Variants in HIVEP3 observed in about 807,000 individuals in gnomAD.
The protein encoded by HIVEP3 is HIVEP zinc finger 3, also known as transcription factor HIVEP3.
In HIVEP3, 49 loss-of-function variants were observed where a neutral mutation model predicts 152.8. That is an observed-to-expected ratio of 0.32 (90% CI 0.26 to 0.41). HIVEP3 has a LOEUF of 0.41. Ranked by LOEUF, HIVEP3 falls within the 10% of genes least tolerant of loss-of-function variation. HIVEP3 has a pLI of 1.00. For synonymous variants in HIVEP3, 1,269 were observed against 1,289.0 expected, an observed-to-expected ratio of 0.98 and a Z score of 0.33; for missense variants, 2,790 against 3,103.3, an observed-to-expected ratio of 0.90 and a Z score of 2.40.
rs540627766 is a variant in HIVEP3 at position 41,978,925 on chromosome 1, G to A, written n.119+56882C>T. Among the ~76,000 whole-genome samples, 5 of 152,206 alleles carry A rather than the reference G, an allele frequency of 3.3e-5. 1 individual carries two copies. The highest frequency in any genetic ancestry group is 7.2e-5 in the African/African-American group (3 of 41,514). On this transcript the variant is annotated intron_variant and non_coding_transcript_variant, in intron 1 of 3. Coordinates refer to the HIVEP3 transcript ENST00000489103. ...CCAACGATCACTGCACCAGACTGAC[G>A]TGTTGAGGACAGGAACTGCATTGTC...
chr1:41,793,848 A>G (rs776388700), intron 1 of HIVEP3, among the ~76,000 whole-genome samples: 6 of 152,218 alleles, frequency 3.9e-5, no homozygotes, highest in Non-Finnish European at 8.8e-5. Context: ...AATAAAAATT[A>G]CTGGTAATCC....
upstream of HIVEP3, among the ~76,000 whole-genome samples, chr1:41,920,002 C>T (rs1275173317): frequency 1.3e-5 from 2 of 152,320 alleles, no homozygotes; most frequent in African/African-American, 4.8e-5. Context: ...GCTCCAGCAT[C>T]ACAGCCCATT....
chr1:41,866,965 T>C (rs1171576416), intron 1 of HIVEP3, among the ~76,000 whole-genome samples: 1 of 152,224 alleles, frequency 6.6e-6, no homozygotes, highest in Non-Finnish European at 1.5e-5. Flanking sequence ...CTTCTGAGTA[T>C]TTCAGGCATA....
intron 1 of HIVEP3, among the ~76,000 whole-genome samples, chr1:41,832,611 T>A (rs1642996619): frequency 6.6e-6 from 1 of 152,214 alleles, no homozygotes; most frequent in Non-Finnish European, 1.5e-5. Context: ...GAAATTTGCT[T>A]ATCCACTCGT....
chr1:41,680,529 G>A (rs565414690), intron 2 of HIVEP3, among the ~76,000 whole-genome samples: 1 of 152,328 alleles, frequency 6.6e-6, no homozygotes, highest in Admixed American at 6.5e-5. Flanking sequence ...GCTGATAGCT[G>A]TCTCAGTCCC....
rs1643020377 is a variant in HIVEP3, at chr1:41,527,418, C to A, written c.5208-2508G>T. Among the ~76,000 whole-genome samples the A allele has an allele frequency of 2.1e-5, 3 of 142,420 alleles. No individual in the cohort carries two copies. In the South Asian group the frequency reaches 7.0e-4, roughly 33 times the overall value. The allele number at this position is 142,420 out of a possible 152,430, so 93.4% of individuals were successfully genotyped here. A position where few individuals can be genotyped will look rare whatever the true frequency, so the allele number is the denominator to read the frequency against. ...CTCCACACCCTGCCCTCACACTCAC[C>A]TTCACTCACACTCCACACCCCACCC... is the stretch of plus-strand genomic sequence containing the variant. On this transcript the variant is annotated intron_variant, in intron 5 of 8. Transcript: ENST00000372583.
intron 5 of HIVEP3, among the ~76,000 whole-genome samples, chr1:41,528,062 C>T (rs1467299715): frequency 7.9e-6 from 1 of 126,136 alleles, no homozygotes; most frequent in Non-Finnish European, 1.6e-5. Flanking sequence ...CCTCACTTAC[C>T]TTCACACTCA....
chr1:41,688,129 A>G (rs1302774218), intron 2 of HIVEP3, among the ~76,000 whole-genome samples: 1 of 152,214 alleles, frequency 6.6e-6, no homozygotes, highest in East Asian at 1.9e-4. Context: ...CTGGGAAGTG[A>G]TATGGGGTCA....
At chr1:41,699,004 C>T (rs764522623) in intron 2 of HIVEP3, among the ~76,000 whole-genome samples, 1 of 152,182 alleles carries the variant, frequency 6.6e-6, no homozygotes, top group Admixed American at 6.5e-5. Flanking sequence ...AAAGTCAAGC[C>T]CGCTGGCCTG....
Position 41,753,670 on chromosome 1 carries a change from A to AAAATAAATAAATAAAT in HIVEP3, c.-800-52691_-800-52676dup, listed in dbSNP as rs3064234. Among the ~76,000 whole-genome samples the AAAATAAATAAATAAAT allele has an allele frequency of 8.6e-3, 1,210 of 141,050 alleles. 6 individuals carry two copies. The highest frequency in any genetic ancestry group is 0.012 in the South Asian group (51 of 4,332). 92.5% of individuals were successfully genotyped at this position (141,050 alleles called of 152,430 possible). A position where few individuals can be genotyped will look rare whatever the true frequency, so the allele number is the denominator to read the frequency against. On this transcript the variant is annotated intron_variant, in intron 1 of 8. Coordinates refer to ENST00000372583, the MANE Select transcript of HIVEP3 (RefSeq NM_024503.5). ...GACACAGGAGAGAAACGCCGTCTCA[A>AAAATAAATAAATAAAT]AAATAAATAAATAAATAAATAAATA...
intron 1 of HIVEP3, among the ~76,000 whole-genome samples, chr1:42,031,550 C>A (rs926619812): frequency 2.0e-5 from 3 of 152,128 alleles, no homozygotes; most frequent in African/African-American, 7.2e-5. Context: ...CCCATGGTTT[C>A]TACCCATTTG....
intron 1 of HIVEP3, among the ~76,000 whole-genome samples, chr1:41,746,332 CT>C (rs1483373680): frequency 6.6e-6 from 1 of 152,222 alleles, no homozygotes; most frequent in East Asian, 1.9e-4. Flanking sequence ...AAACCAAGGG[CT>C]TCAAAAGGTG....
intron 1 of HIVEP3, among the ~76,000 whole-genome samples, chr1:41,911,810 C>T (rs1263388582): frequency 6.6e-6 from 1 of 152,118 alleles, no homozygotes; most frequent in African/African-American, 2.4e-5. Context: ...AATGAAGTCC[C>T]AGCCCTAGTG....
intron 1 of HIVEP3, among the ~76,000 whole-genome samples, chr1:41,723,601 G>T (rs1383724850): frequency 2.6e-5 from 4 of 151,744 alleles, no homozygotes; most frequent in Non-Finnish European, 5.9e-5. Context: ...ATTAATATTT[G>T]TTTGCTACTT....
In HIVEP3 at chr1:41,511,284, G is replaced by A. The variant is rs560452344; in HGVS notation, c.6406-18C>T. On this transcript the variant is annotated intron_variant, in intron 8 of 8. Coordinates refer to ENST00000372583, the MANE Select transcript of HIVEP3 (RefSeq NM_024503.5). The surrounding 1 kb of genome is among the most constrained non-coding windows in gnomAD (Gnocchi z 4.9). ...GCCTTCTGCTGGGGTCAGAAAACAAGACAAGGTAAGGTGAAGGTTACATGC... is the reference window on the plus strand; with the variant it reads ...GCCTTCTGCTGGGGTCAGAAAACAAAACAAGGTAAGGTGAAGGTTACATGC... 1 of 1,570,488 alleles carries A rather than the reference G, an allele frequency of 6.4e-7. No individual in the cohort carries two copies. The highest frequency in any genetic ancestry group is 1.3e-5 in the African/African-American group (1 of 74,490).
At chr1:41,670,626 T>G (rs1645861087) in intron 2 of HIVEP3, among the ~76,000 whole-genome samples, 1 of 152,182 alleles carries the variant, frequency 6.6e-6, no homozygotes, top group Non-Finnish European at 1.5e-5. Flanking sequence ...GTATGGACTA[T>G]GGCAACAAGG....
In HIVEP3 at chr1:41,533,710, T is replaced by C. The variant is rs1278875985; in HGVS notation, c.5208-8800A>G. On this transcript the variant is annotated intron_variant, in intron 5 of 8. Transcript: ENST00000372583. This position sits in a 1 kb window ranked among gnomAD's most constrained non-coding sequence, Gnocchi z 4.3. Reference sequence around the variant, plus strand: ...TTGCCCACCCTTTCCCATGCCGACATGGCCCCTGCCAGCCTCCGACCTGCA... The same window carrying C: ...TTGCCCACCCTTTCCCATGCCGACACGGCCCCTGCCAGCCTCCGACCTGCA... Among the ~76,000 whole-genome samples the C allele has an allele frequency of 6.6e-6, 1 of 151,964 alleles. No individual in the cohort carries two copies. Among genetic ancestry groups the C allele is most frequent in the Non-Finnish European group, 1.5e-5 (1 of 68,006 alleles).
intron 1 of HIVEP3, among the ~76,000 whole-genome samples, chr1:41,998,771 T>C (rs1645409311): frequency 6.6e-6 from 1 of 152,126 alleles, no homozygotes. Context: ...AGAAGATTGT[T>C]AGAAAATAAA....
intron 1 of HIVEP3, among the ~76,000 whole-genome samples, chr1:41,809,347 A>G (rs1420605659): frequency 1.3e-5 from 2 of 152,220 alleles, no homozygotes; most frequent in Non-Finnish European, 2.9e-5. Flanking sequence ...CCTTCAGAAC[A>G]GAAACAGGTG....
Sources: gnomAD v4.1 joint callset for allele counts (sites outside exome capture counted in the v4.1 genomes callset) on GRCh38, gnomAD v4.1.1 for gene constraint, Gnocchi (gnomAD v3.1) non-coding constraint, MANE v1.5 for transcripts, NCBI Gene and HGNC (gene_info 2026-07-23, HGNC 2026-07-21) for gene names.